The following ZNF503 variants were observed in gnomAD, a reference collection of about 807,000 sequenced individuals.
ZNF503 encodes the protein NocA-like zinc finger 2.
A neutral mutation model predicts 34.4 loss-of-function variants in ZNF503; 15 were observed. That is an observed-to-expected ratio of 0.44 (90% CI 0.29 to 0.67). ZNF503 has a LOEUF of 0.67. ZNF503 is among the 30% of genes least tolerant of loss of function. ZNF503 has a pLI of 0.13. For synonymous variants in ZNF503, 580 were observed against 456.8 expected (o/e 1.27, Z -3.44); for missense variants, 1,007 against 926.8 (o/e 1.09, Z -1.12).
At chr10:75,368,497 G>A in the ZNF503 span, among the ~76,000 whole-genome samples, 1 of 152,298 alleles carries the variant, frequency 6.6e-6, no homozygotes, top group South Asian at 2.1e-4. Context: ...ACTAAACTTT[G>A]GCTCTGGGCT....
At chr10:75,345,679 G>T in the ZNF503 span, among the ~76,000 whole-genome samples, 2 of 145,556 alleles carry the variant, frequency 1.4e-5, no homozygotes, top group African/African-American at 5.1e-5. Context: ...GAAAAAAAAA[G>T]AAAGGACCCC....
At chr10:75,297,338 C>T in the ZNF503 span, among the ~76,000 whole-genome samples, 1 of 152,148 alleles carries the variant, frequency 6.6e-6, no homozygotes, top group Admixed American at 6.5e-5. Context: ...ACCTTCCTTC[C>T]TCTACAGCTA....
At chr10:75,297,903 T>C in the ZNF503 span, among the ~76,000 whole-genome samples, 1 of 152,250 alleles carries the variant, frequency 6.6e-6, no homozygotes, top group Admixed American at 6.5e-5. Flanking sequence ...CCCAACTGTT[T>C]ACCATGTGAT....
At chr10:75,367,591 A>T in the ZNF503 span, among the ~76,000 whole-genome samples, 2 of 152,246 alleles carry the variant, frequency 1.3e-5, no homozygotes, top group African/African-American at 2.4e-5. Context: ...TTACTGTCCA[A>T]GATATGTAAA....
the ZNF503 span, among the ~76,000 whole-genome samples, chr10:75,347,125 C>G: frequency 8.5e-3 from 1,301 of 152,276 alleles, 6 homozygotes; most frequent in Non-Finnish European, 0.015. Context: ...ACATAAAATA[C>G]TTAGAGCAGG....
At chr10:75,301,193 C>G in the ZNF503 span, among the ~76,000 whole-genome samples, 1 of 152,124 alleles carries the variant, frequency 6.6e-6, no homozygotes, top group Non-Finnish European at 1.5e-5. Flanking sequence ...ATATTTTAGT[C>G]TATTCCCTTT....
At chr10:75,283,035 A>T in the ZNF503 span, among the ~76,000 whole-genome samples, 2 of 152,256 alleles carry the variant, frequency 1.3e-5, no homozygotes, top group Non-Finnish European at 2.9e-5. Context: ...TTAAGTGTCA[A>T]ATATAATTTG....
At chr10:75,303,627 T>C in the ZNF503 span, among the ~76,000 whole-genome samples, 2 of 152,192 alleles carry the variant, frequency 1.3e-5, no homozygotes, top group African/African-American at 4.8e-5. Context: ...GTGTTGAATA[T>C]AGGTTCTACA....
At chr10:75,363,532 A>G in the ZNF503 span, among the ~76,000 whole-genome samples, 15 of 152,196 alleles carry the variant, frequency 9.9e-5, no homozygotes, top group Non-Finnish European at 1.9e-4. Flanking sequence ...GGATCCTGCA[A>G]TGTTCAGGAC....
At chr10:75,400,423 G>C (rs775795533) in intron 1 of ZNF503, 49 bp from the exon 2 acceptor site, 7 of 1,547,356 alleles carry the variant, frequency 4.5e-6, no homozygotes, top group Non-Finnish European at 6.1e-6. Context: ...GAAAGAAGTG[G>C]AAACCCTTTA....
chr10:75,365,436 G>A, the ZNF503 span, among the ~76,000 whole-genome samples: 24 of 152,200 alleles, frequency 1.6e-4, no homozygotes, highest in African/African-American at 4.8e-4. Flanking sequence ...GTGAGCCACC[G>A]TGCCCGGCCC....
downstream of ZNF503, among the ~76,000 whole-genome samples, chr10:75,394,125 C>T (rs150724880): frequency 7.9e-5 from 12 of 152,328 alleles, no homozygotes; most frequent in East Asian, 2.3e-3. Flanking sequence ...TGCTGAGCCT[C>T]AGTCTCCTCA....
At chr10:75,298,202 A>G in the ZNF503 span, among the ~76,000 whole-genome samples, 2 of 152,238 alleles carry the variant, frequency 1.3e-5, no homozygotes, top group African/African-American at 2.4e-5. Flanking sequence ...TTACTAAGAT[A>G]TAATTCACAT....
the ZNF503 span, among the ~76,000 whole-genome samples, chr10:75,364,282 G>A: frequency 2.6e-5 from 4 of 152,108 alleles, no homozygotes; most frequent in African/African-American, 4.8e-5. Context: ...ACATCTCTAG[G>A]AAGCCTCTTC....
chr10:75,301,614 C>G, the ZNF503 span, among the ~76,000 whole-genome samples: 3 of 151,774 alleles, frequency 2.0e-5, no homozygotes, highest in African/African-American at 7.3e-5. Flanking sequence ...GTTGAATAAT[C>G]ATATTTTTAG....
At chr10:75,393,841 A>C (rs1233829944), downstream of ZNF503, among the ~76,000 whole-genome samples, 1 of 152,190 alleles carries the variant, frequency 6.6e-6, no homozygotes, top group Non-Finnish European at 1.5e-5. Flanking sequence ...CCTGGGTGAC[A>C]GAGCGAGACT....
chr10:75,386,941 A>G, the ZNF503 span, among the ~76,000 whole-genome samples: 1 of 152,212 alleles, frequency 6.6e-6, no homozygotes, highest in African/African-American at 2.4e-5. Flanking sequence ...AGTTGTCTCC[A>G]TGACCCACTA....
chr10:75,285,375 T>C, the ZNF503 span, among the ~76,000 whole-genome samples: 1 of 152,264 alleles, frequency 6.6e-6, no homozygotes, highest in Non-Finnish European at 1.5e-5. Context: ...TTTGAATTTC[T>C]AGTTAATGAC....
At chr10:75,364,319 C>T in the ZNF503 span, among the ~76,000 whole-genome samples, 1 of 152,174 alleles carries the variant, frequency 6.6e-6, no homozygotes, top group Admixed American at 6.5e-5. Context: ...ACACTCCCAC[C>T]CAAAGCCTGC....
Sources: allele counts gnomAD v4.1 joint callset (sites outside exome capture counted in the v4.1 genomes callset), GRCh38; gene constraint gnomAD v4.1.1; transcripts MANE v1.5; gene names NCBI Gene and HGNC (gene_info 2026-07-23, HGNC 2026-07-21).